TBC1D22A: variants seen among roughly 807,000 people sequenced by gnomAD.
The protein encoded by TBC1D22A is putative GTPase activator.
In TBC1D22A, 38 loss-of-function variants were observed where a neutral mutation model predicts 60.2. The observed-to-expected ratio is 0.63, with a 90% CI of 0.49 to 0.83. The LOEUF (loss-of-function observed/expected upper bound fraction) is 0.83. Ranked by LOEUF, TBC1D22A falls within the 40% of genes least tolerant of loss-of-function variation. The pLI is 0.00. For missense variants in TBC1D22A, 628 were observed against 701.0 expected, an observed-to-expected ratio of 0.90 and a Z score of 1.18; for synonymous variants, 302 against 281.7, an observed-to-expected ratio of 1.07 and a Z score of -0.72.
At chr22:47,004,370 A>G (rs2061510987) in intron 10 of TBC1D22A, among the ~76,000 whole-genome samples, 1 of 140,718 alleles carries the variant, frequency 7.1e-6, no homozygotes, top group Non-Finnish European at 1.5e-5. Context: ...ATACACTCCT[A>G]TATACACACA....
intron 12 of TBC1D22A, among the ~76,000 whole-genome samples, chr22:47,132,938 G>A (rs1332096057): frequency 1.3e-5 from 2 of 152,364 alleles, no homozygotes; most frequent in South Asian, 2.1e-4. Context: ...GAGTTCATTT[G>A]GAGATTTCAG....
intron 1 of TBC1D22A, among the ~76,000 whole-genome samples, chr22:46,773,650 T>A (rs1026702239): frequency 1.3e-5 from 2 of 152,164 alleles, no homozygotes; most frequent in South Asian, 4.1e-4. Context: ...TGTGTGTGTT[T>A]TAGTAGAGAT....
chr22:47,137,573 C>T (rs923849207), intron 12 of TBC1D22A, among the ~76,000 whole-genome samples: 1 of 152,214 alleles, frequency 6.6e-6, no homozygotes, highest in Non-Finnish European at 1.5e-5. Flanking sequence ...ATTCTGTGCC[C>T]CTTGGAGCCC....
intron 10 of TBC1D22A, among the ~76,000 whole-genome samples, chr22:47,027,002 C>T (rs2062278800): frequency 6.6e-6 from 1 of 152,056 alleles, no homozygotes; most frequent in African/African-American, 2.4e-5. Context: ...TTCACATTAG[C>T]TGATTTCAAG....
intron 11 of TBC1D22A, among the ~76,000 whole-genome samples, chr22:47,044,277 C>T (rs1465336924): frequency 2.0e-5 from 3 of 152,230 alleles, no homozygotes; most frequent in African/African-American, 4.8e-5. Flanking sequence ...TACTGGCTGG[C>T]CACTCACTTC....
intron 4 of TBC1D22A, among the ~76,000 whole-genome samples, chr22:46,826,433 A>G (rs2086069042): frequency 6.6e-6 from 1 of 152,224 alleles, no homozygotes; most frequent in African/African-American, 2.4e-5. Flanking sequence ...ATTGTTTCCA[A>G]AGATATGCCT....
chr22:46,789,041 C>T (rs970556758), intron 1 of TBC1D22A: 3 of 160,278 alleles, frequency 1.9e-5, no homozygotes, highest in Non-Finnish European at 4.1e-5. Flanking sequence ...AGATCAGGTA[C>T]GTGCTGTTTT....
intron 1 of TBC1D22A, among the ~76,000 whole-genome samples, chr22:46,767,855 C>G (rs919667169): frequency 6.6e-6 from 1 of 152,028 alleles, no homozygotes; most frequent in Non-Finnish European, 1.5e-5. Flanking sequence ...CAGGGTGGGT[C>G]TGGCCGAGAG....
intron 3 of TBC1D22A, among the ~76,000 whole-genome samples, chr22:46,794,945 T>C (rs543505537): frequency 6.6e-6 from 1 of 152,296 alleles, no homozygotes; most frequent in East Asian, 1.9e-4. Context: ...ATTGTTAGGG[T>C]GGCCTGATTT....
intron 12 of TBC1D22A, among the ~76,000 whole-genome samples, chr22:47,164,873 C>T (rs989216045): frequency 1.3e-5 from 2 of 152,192 alleles, no homozygotes; most frequent in Non-Finnish European, 2.9e-5. Flanking sequence ...GCAGCCCCTG[C>T]GCAGGAGGAA....
At chr22:47,161,302 C>A (rs1255485398) in intron 12 of TBC1D22A, among the ~76,000 whole-genome samples, 1 of 151,538 alleles carries the variant, frequency 6.6e-6, no homozygotes, top group Non-Finnish European at 1.5e-5. Flanking sequence ...CGGGGGCGGT[C>A]CATCTCCTGC....
At position 46,990,651 on chromosome 22, in the gene TBC1D22A, C is replaced by A. The variant is rs767960324; in HGVS notation, c.1126-6983C>A. Among the ~76,000 whole-genome samples, 4 of 152,060 alleles carry A rather than the reference C, an allele frequency of 2.6e-5. No homozygotes were observed. The South Asian group carries it at 8.3e-4, about 32-fold the overall frequency. On this transcript the variant is annotated intron_variant, in intron 9 of 12. Transcript: ENST00000337137. This position sits in a 1 kb window ranked among gnomAD's most constrained non-coding sequence, Gnocchi z 4.6. The stretch of plus-strand genomic sequence containing the variant: ...TGAACACCCTCGTGCCCCGCCTGTT[C>A]ATCCCCTTCCACCCAACCCCTGGGC...
intron 8 of TBC1D22A, among the ~76,000 whole-genome samples, chr22:46,948,095 G>T (rs1426634258): frequency 6.6e-6 from 1 of 152,218 alleles, no homozygotes; most frequent in Non-Finnish European, 1.5e-5. Context: ...AGGACGGAGG[G>T]CTGGGGTATT....
intron 7 of TBC1D22A, among the ~76,000 whole-genome samples, chr22:46,896,797 A>AGT (rs560603644): frequency 1.3e-5 from 2 of 152,220 alleles, no homozygotes; most frequent in South Asian, 4.2e-4. Context: ...TGGACTGGCC[A>AGT]GTCCCACCCC....
At chr22:47,058,253 T>C (rs912496729) in intron 11 of TBC1D22A, among the ~76,000 whole-genome samples, 1 of 152,110 alleles carries the variant, frequency 6.6e-6, no homozygotes, top group Non-Finnish European at 1.5e-5. Flanking sequence ...GCTGGCCTCC[T>C]CCCCATGCCG....
At chr22:47,133,550 A>G (rs971821744) in intron 12 of TBC1D22A, among the ~76,000 whole-genome samples, 2 of 152,216 alleles carry the variant, frequency 1.3e-5, no homozygotes, top group African/African-American at 4.8e-5. Flanking sequence ...TGTGCAGCAG[A>G]GTTGACATAC....
At chr22:47,163,750 C>T (rs574799078) in intron 12 of TBC1D22A, among the ~76,000 whole-genome samples, 24 of 152,276 alleles carry the variant, frequency 1.6e-4, no homozygotes, top group East Asian at 3.9e-4. Flanking sequence ...TGCATGCAGC[C>T]GGGGCTCATG....
At chr22:47,124,399 C>G (rs1248961404) in intron 12 of TBC1D22A, among the ~76,000 whole-genome samples, 2 of 152,208 alleles carry the variant, frequency 1.3e-5, no homozygotes, top group Non-Finnish European at 2.9e-5. Flanking sequence ...TGAGAGCCGC[C>G]TGGAGGACAG....
At chr22:47,146,322 ACTCT>A (rs894760612) in intron 12 of TBC1D22A, among the ~76,000 whole-genome samples, 1 of 151,818 alleles carries the variant, frequency 6.6e-6, no homozygotes, top group African/African-American at 2.4e-5. Context: ...GGGTTGATGA[ACTCT>A]CTCTCTCCCC....
Sources: gnomAD v4.1 joint callset for allele counts (sites outside exome capture counted in the v4.1 genomes callset) on GRCh38, gnomAD v4.1.1 for gene constraint, Gnocchi (gnomAD v3.1) non-coding constraint, MANE v1.5 for transcripts, NCBI Gene and HGNC (gene_info 2026-07-23, HGNC 2026-07-21) for gene names.